SEC16B: variants seen among roughly 807,000 people sequenced by gnomAD.
SEC16B encodes the protein protein transport protein Sec16B.
Under a neutral mutation model 141.8 loss-of-function variants are expected in SEC16B, and 115 were observed. The ratio of observed to expected loss-of-function variants is 0.81; its 90% CI spans 0.70 to 0.95. The LOEUF (loss-of-function observed/expected upper bound fraction) is 0.95. Among genes scored for constraint, SEC16B ranks in the 40% least tolerant of loss-of-function variants. The pLI, the probability that SEC16B is intolerant of heterozygous loss-of-function variation, is 0.00. For synonymous variants in SEC16B, 493 were observed against 492.5 expected, an observed-to-expected ratio of 1.00 and a Z score of -0.01; for missense variants, 1,291 against 1,312.3, an observed-to-expected ratio of 0.98 and a Z score of 0.25.
At chr1:177,960,644 A>T (rs1652985173) in intron 7 of SEC16B, 147 bp downstream of exon 7, 1 of 871,998 alleles carries the variant, frequency 1.1e-6, no homozygotes, top group South Asian at 1.8e-5. Context: ...CACCCTCCTA[A>T]TCCAGGGGGT....
chr1:177,964,066 C>A, intron 5 of SEC16B, 105 bp downstream of exon 5: 1 of 737,542 alleles, frequency 1.4e-6, no homozygotes, highest in Admixed American at 3.0e-5. Context: ...CTCCAGACGG[C>A]TGGCCACTGG....
At position 177,937,267 on chromosome 1, in the gene SEC16B, T is replaced by C. The variant is rs1434186637; in HGVS notation, c.2450A>G (p.Glu817Gly). 3.1e-6 allele frequency: 5 copies of C among 1,613,906 alleles called. No homozygotes were observed. The highest frequency in any genetic ancestry group is 3.3e-5 in the Admixed American group (2 of 60,022). Residue 817 changes from glutamate (E) to glycine (G), a missense_variant, in exon 19 of 26, where the codon GAG becomes GGG. Physicochemically the swap from Glu to Gly is moderately conservative, Grantham distance 98 (BLOSUM62 -2). Coordinates refer to ENST00000308284, the MANE Select transcript of SEC16B (RefSeq NM_033127.4). ...PGTGSSVAVT[E>G]ATGGTVWEEM... ...CTCCCAGACTGTTCCTCCAGTGGCCTCTGTCACTGCCACGCTGCTGCCAGT... is the reference window on the plus strand; with the variant it reads ...CTCCCAGACTGTTCCTCCAGTGGCCCCTGTCACTGCCACGCTGCTGCCAGT...
chr1:177,930,046 G>A, intron 25 of SEC16B, 117 bp from the exon 26 acceptor site: 1 of 988,912 alleles, frequency 1.0e-6, no homozygotes, highest in Non-Finnish European at 1.5e-6. Flanking sequence ...ATTTCCCAAG[G>A]TTGTGTTCTA....
intron 8 of SEC16B, 83 bp downstream of exon 8, chr1:177,960,259 A>T: frequency 1.1e-6 from 1 of 913,418 alleles, no homozygotes; most frequent in Admixed American, 2.1e-5. Flanking sequence ...GAAACCAAGA[A>T]CAAATCTCCA....
chr1:177,969,091 G>A (rs1049554273), intron 1 of SEC16B, among the ~76,000 whole-genome samples: 4 of 152,138 alleles, frequency 2.6e-5, no homozygotes, highest in South Asian at 2.1e-4. Context: ...AGGCTAGGTC[G>A]GCCTCGATTT....
intron 1 of SEC16B, among the ~76,000 whole-genome samples, chr1:177,980,128 A>G (rs1654345487): frequency 6.6e-6 from 1 of 152,204 alleles, no homozygotes; most frequent in African/African-American, 2.4e-5. Flanking sequence ...CGAGCTTGCT[A>G]GACGTATTCC....
intron 18 of SEC16B, among the ~76,000 whole-genome samples, chr1:177,938,328 T>G (rs12067961): frequency 3.3e-5 from 5 of 152,282 alleles, no homozygotes; most frequent in Admixed American, 3.3e-4. Flanking sequence ...AGGGCCTAAC[T>G]GTAATACACT....
Position 177,961,697 on chromosome 1 carries a change from C to T in SEC16B, c.680G>A (p.Arg227His), listed in dbSNP as rs201675705. The change falls in exon 6 of 26, where the codon CGT becomes CAT. Residue 227 changes from arginine (R) to histidine (H), a missense_variant. Coordinates refer to ENST00000308284, the MANE Select transcript of SEC16B (RefSeq NM_033127.4). The part of the protein sequence containing the change: ...LASESNLLQQ[R>H]ESGLSSSSYE... ...GCTGCTGGAGCTGAGACCAGACTCACGCTGCTGGAGAAGGTTGGACTCACT... is the reference window on the plus strand; with the variant it reads ...GCTGCTGGAGCTGAGACCAGACTCATGCTGCTGGAGAAGGTTGGACTCACT... The T allele has an allele frequency of 6.0e-5, 97 of 1,613,772 alleles. No individual in the cohort carries two copies. The highest frequency in any genetic ancestry group is 6.4e-5 in the Non-Finnish European group (76 of 1,179,860).
At chr1:177,950,584 A>T (rs1557978507) in intron 12 of SEC16B, among the ~76,000 whole-genome samples, 1 of 152,160 alleles carries the variant, frequency 6.6e-6, no homozygotes, top group Non-Finnish European at 1.5e-5. Context: ...GAGAGAGAAC[A>T]TTCACTACAA....
chr1:177,982,884 T>C (rs1654477620), intron 1 of SEC16B, among the ~76,000 whole-genome samples: 1 of 152,178 alleles, frequency 6.6e-6, no homozygotes, highest in South Asian at 2.1e-4. Context: ...CAATAACCAT[T>C]TGAAAACAGA....
chr1:177,952,075 A>C, intron 11 of SEC16B, 80 bp from the exon 12 acceptor site: 1 of 1,213,028 alleles, frequency 8.2e-7, no homozygotes, highest in Non-Finnish European at 1.2e-6. Context: ...AGGGCCTTGC[A>C]TAATTCTATT....
chr1:177,942,071 C>G (rs1651319239), intron 15 of SEC16B, 31 bp from the exon 16 acceptor site: 1 of 1,592,814 alleles, frequency 6.3e-7, no homozygotes, highest in African/African-American at 1.3e-5. Flanking sequence ...GTGACTAGTC[C>G]ATCCAGGCAG....
chr1:177,944,449 G>T, intron 15 of SEC16B, 112 bp downstream of exon 15: 2 of 773,342 alleles, frequency 2.6e-6, no homozygotes, highest in East Asian at 2.5e-5. Context: ...ATGAGGAAAA[G>T]TTCAGTAGAT....
At chr1:177,930,125 G>A (rs1650304809) in intron 25 of SEC16B, among the ~76,000 whole-genome samples, 196 bp from the exon 26 acceptor site, 2 of 152,128 alleles carry the variant, frequency 1.3e-5, no homozygotes, top group Non-Finnish European at 1.5e-5. Flanking sequence ...AAAGAGAGGA[G>A]GCCAAATGAG....
chr1:177,948,503 G>A, intron 12 of SEC16B: 2 of 1,304,226 alleles, frequency 1.5e-6, no homozygotes, highest in African/African-American at 3.0e-5. Flanking sequence ...AGAAAATCAA[G>A]CCAAGTGGCC....
At chr1:177,981,388 A>G (rs926697069) in intron 1 of SEC16B, among the ~76,000 whole-genome samples, 2 of 151,876 alleles carry the variant, frequency 1.3e-5, no homozygotes, top group African/African-American at 4.8e-5. Flanking sequence ...GACATTCCAA[A>G]AAGCAGGCAC....
intron 24 of SEC16B, among the ~76,000 whole-genome samples, chr1:177,932,221 G>T (rs116055920): frequency 1.3e-5 from 2 of 152,134 alleles, no homozygotes; most frequent in Non-Finnish European, 2.9e-5. Context: ...GAAGATGGCC[G>T]GGCACAAGCC....
chr1:177,944,121 A>T (rs1187320073), intron 15 of SEC16B, among the ~76,000 whole-genome samples: 1 of 152,212 alleles, frequency 6.6e-6, no homozygotes. Flanking sequence ...AGGACAGAGG[A>T]TTTCAAAAGA....
intron 16 of SEC16B, 58 bp downstream of exon 16, chr1:177,941,842 T>C (rs1362409145): frequency 6.3e-7 from 1 of 1,575,264 alleles, no homozygotes; most frequent in Non-Finnish European, 8.6e-7. Flanking sequence ...TGCTCTACGA[T>C]GGCTTTCTCT....
Sources: allele counts gnomAD v4.1 joint callset (sites outside exome capture counted in the v4.1 genomes callset), GRCh38; gene constraint gnomAD v4.1.1; transcripts MANE v1.5; gene names NCBI Gene and HGNC (gene_info 2026-07-23, HGNC 2026-07-21).